TCF4: variants seen among roughly 807,000 people sequenced by gnomAD.
TCF4 encodes the protein SL3-3 enhancer factor 2.
In TCF4, 3 loss-of-function variants were observed where a neutral mutation model predicts 82.1. The ratio of observed to expected loss-of-function variants is 0.04; its 90% CI spans 0.02 to 0.09. TCF4 has a LOEUF of 0.09. Among genes scored for constraint, TCF4 ranks in the 10% least tolerant of loss-of-function variants. The pLI, the probability that TCF4 is intolerant of heterozygous loss-of-function variation, is 1.00. For synonymous variants in TCF4, 276 were observed against 309.6 expected, an observed-to-expected ratio of 0.89 and a Z score of 1.14; for missense variants, 518 against 852.7, an observed-to-expected ratio of 0.61 and a Z score of 4.89.
intron 3 of TCF4, among the ~76,000 whole-genome samples, chr18:55,509,264 C>T (rs190540001): frequency 1.7e-4 from 26 of 152,128 alleles, no homozygotes; most frequent in Admixed American, 1.4e-3. Context: ...CTAAGTTATT[C>T]TCTTCTCTGG....
chr18:55,586,150 G>GCAGCAGCAGCAGC, intron 2 of TCF4: 2 of 1,222,982 alleles, frequency 1.6e-6, no homozygotes, highest in East Asian at 3.6e-5. Context: ...GGAGGAGGAG[G>GCAGCAGCAGCAGC]AGGAGCAGCA....
intron 3 of TCF4, among the ~76,000 whole-genome samples, chr18:55,494,086 C>T (rs1207440283): frequency 6.6e-6 from 1 of 151,660 alleles, no homozygotes; most frequent in Non-Finnish European, 1.5e-5. Flanking sequence ...TAAATAACTA[C>T]TCCAGTTGGC....
chr18:55,449,641 C>G (rs1264630938), intron 5 of TCF4, among the ~76,000 whole-genome samples: 1 of 152,182 alleles, frequency 6.6e-6, no homozygotes, highest in Non-Finnish European at 1.5e-5. Flanking sequence ...AAAGGCACGG[C>G]CAGTCAGTAA....
intron 3 of TCF4, among the ~76,000 whole-genome samples, chr18:55,520,324 G>A (rs1167831088): frequency 6.6e-6 from 1 of 151,930 alleles, no homozygotes; most frequent in Non-Finnish European, 1.5e-5. Context: ...TAAATAAAAA[G>A]CAATATGTTT....
chr18:55,531,009 T>C (rs1056965206), intron 3 of TCF4, among the ~76,000 whole-genome samples: 2 of 151,872 alleles, frequency 1.3e-5, no homozygotes, highest in Non-Finnish European at 2.9e-5. Context: ...GGGAGTGCAG[T>C]GGTGTAATCT....
chr18:55,300,495 A>G (rs2067907379), intron 8 of TCF4, among the ~76,000 whole-genome samples: 1 of 152,128 alleles, frequency 6.6e-6, no homozygotes, highest in Non-Finnish European at 1.5e-5. Flanking sequence ...GAAGCACATT[A>G]GCAACCCAGA....
intron 3 of TCF4, among the ~76,000 whole-genome samples, chr18:55,533,344 T>C (rs1264913554): frequency 6.6e-6 from 1 of 152,088 alleles, no homozygotes; most frequent in Admixed American, 6.6e-5. Flanking sequence ...ATGTTTAGAA[T>C]TGCTATAAAA....
intron 5 of TCF4, among the ~76,000 whole-genome samples, chr18:55,421,219 C>G (rs1156595259): frequency 6.6e-6 from 1 of 152,180 alleles, no homozygotes; most frequent in Non-Finnish European, 1.5e-5. Flanking sequence ...TACACACACA[C>G]AGGTTCATGT....
chr18:55,240,974 T>C (rs1473763893), intron 15 of TCF4, among the ~76,000 whole-genome samples: 2 of 152,230 alleles, frequency 1.3e-5, no homozygotes, highest in Non-Finnish European at 2.9e-5. Context: ...TGTAAGGTAA[T>C]TCCTTATTGT....
At chr18:55,370,123 C>A (rs957428377) in intron 6 of TCF4, among the ~76,000 whole-genome samples, 1 of 152,140 alleles carries the variant, frequency 6.6e-6, no homozygotes, top group African/African-American at 2.4e-5. Flanking sequence ...GAAGGCCGGG[C>A]GCAATGGCTC....
intron 2 of TCF4, among the ~76,000 whole-genome samples, chr18:55,614,161 C>T (rs985076490): frequency 5.3e-5 from 8 of 152,114 alleles, no homozygotes; most frequent in Non-Finnish European, 8.8e-5. Flanking sequence ...TTCCAATGTG[C>T]GGGGACTACA....
At chr18:55,403,820 C>T (rs1321614447) in intron 5 of TCF4, 4 of 1,496,654 alleles carry the variant, frequency 2.7e-6, no homozygotes, top group Middle Eastern at 2.4e-4. Flanking sequence ...CTTTCTCTTG[C>T]ACAAAATTTA....
At chr18:55,543,069 T>G (rs1463196326) in intron 3 of TCF4, among the ~76,000 whole-genome samples, 1 of 152,060 alleles carries the variant, frequency 6.6e-6, no homozygotes, top group Non-Finnish European at 1.5e-5. Flanking sequence ...GAAGTTAAAA[T>G]TGTTTGGACA....
chr18:55,234,802 T>G, intron 15 of TCF4, 119 bp from the exon 16 acceptor site: 12 of 1,442,838 alleles, frequency 8.3e-6, no homozygotes, highest in African/African-American at 1.4e-5. Flanking sequence ...CCAAACGCGT[T>G]TCACTAGAGG....
chr18:55,612,073 T>G (rs1160253664), intron 2 of TCF4, among the ~76,000 whole-genome samples: 2 of 152,186 alleles, frequency 1.3e-5, no homozygotes, highest in African/African-American at 4.8e-5. Flanking sequence ...ACCCGGCCAA[T>G]GTACAAATTA....
chr18:55,240,257 C>T (rs1030862484), intron 15 of TCF4, among the ~76,000 whole-genome samples: 1 of 152,264 alleles, frequency 6.6e-6, no homozygotes, highest in South Asian at 2.1e-4. Flanking sequence ...AGACAGAAGT[C>T]CTGGTAACTG....
chr18:55,270,048 C>G lies in TCF4; in HGVS notation c.790-85G>C. On this transcript the variant is annotated intron_variant, in intron 10 of 19. Coordinates refer to ENST00000354452, the MANE Select transcript of TCF4 (RefSeq NM_001083962.2). Reference sequence around the variant, plus strand: ...TTTCAAATACTTTTCTCACAACTCTCTATTTTACAATGGAGACAGCTTTTA... The same window carrying G: ...TTTCAAATACTTTTCTCACAACTCTGTATTTTACAATGGAGACAGCTTTTA... 3.2e-6 allele frequency: 5 copies of G among 1,548,796 alleles called. No individual in the cohort carries two copies. The South Asian group carries it at 5.6e-5, about 17-fold the overall frequency.
At chr18:55,371,295 T>C (rs955620631) in intron 6 of TCF4, among the ~76,000 whole-genome samples, 1 of 152,108 alleles carries the variant, frequency 6.6e-6, no homozygotes, top group African/African-American at 2.4e-5. Context: ...GCTAAAATAA[T>C]CTGGATGAGG....
At chr18:55,364,950 G>C (rs938448199) in intron 6 of TCF4, among the ~76,000 whole-genome samples, 1 of 151,466 alleles carries the variant, frequency 6.6e-6, no homozygotes, top group Admixed American at 6.6e-5. Flanking sequence ...ACAAGGTCAG[G>C]AGATCGAGAC....
Sources: gnomAD v4.1 joint callset for allele counts (sites outside exome capture counted in the v4.1 genomes callset) on GRCh38, gnomAD v4.1.1 for gene constraint, MANE v1.5 for transcripts, NCBI Gene and HGNC (gene_info 2026-07-23, HGNC 2026-07-21) for gene names.